The following SLC26A7 variants were observed in gnomAD, a reference collection of about 807,000 sequenced individuals.
SLC26A7 encodes the protein solute carrier family 26 member 7.
Under a neutral mutation model 82.5 loss-of-function variants are expected in SLC26A7, and 59 were observed. That is an observed-to-expected ratio of 0.72 (90% CI 0.58 to 0.89). The LOEUF (loss-of-function observed/expected upper bound fraction) is 0.89. Ranked by LOEUF, SLC26A7 falls within the 40% of genes least tolerant of loss-of-function variation. The pLI is 0.00. For missense variants in SLC26A7, 820 were observed against 793.0 expected, an observed-to-expected ratio of 1.03 and a Z score of -0.41; for synonymous variants, 271 against 274.3, an observed-to-expected ratio of 0.99 and a Z score of 0.12.
intron 2 of SLC26A7, among the ~76,000 whole-genome samples, chr8:91,275,524 A>T (rs1433625083): frequency 6.6e-6 from 1 of 151,814 alleles, no homozygotes; most frequent in African/African-American, 2.4e-5. Context: ...GGTCTTGAAA[A>T]CCTGGGCTCA....
intron 4 of SLC26A7, among the ~76,000 whole-genome samples, chr8:91,302,135 TGTGA>T (rs1812183622): frequency 6.6e-6 from 1 of 152,130 alleles, no homozygotes; most frequent in African/African-American, 2.4e-5. Flanking sequence ...ATCATTTTTT[TGTGA>T]GTGTTTCATG....
At chr8:91,283,016 G>T (rs1313290663) in intron 2 of SLC26A7, among the ~76,000 whole-genome samples, 1 of 151,922 alleles carries the variant, frequency 6.6e-6, no homozygotes, top group Non-Finnish European at 1.5e-5. Flanking sequence ...TTATTGTTTA[G>T]TTATTTTTAG....
intron 2 of SLC26A7, among the ~76,000 whole-genome samples, chr8:91,261,992 G>A (rs573604323): frequency 6.6e-6 from 1 of 152,050 alleles, no homozygotes; most frequent in Non-Finnish European, 1.5e-5. Flanking sequence ...ACCATTGGAC[G>A]TGAACTCCTC....
At chr8:91,258,868 T>A (rs944161375) in intron 2 of SLC26A7, among the ~76,000 whole-genome samples, 4 of 152,108 alleles carry the variant, frequency 2.6e-5, no homozygotes, top group African/African-American at 9.7e-5. Flanking sequence ...CTATTCTCTA[T>A]CTTAAACTCC....
At chr8:91,237,834 A>T (rs1810413288) in intron 2 of SLC26A7, among the ~76,000 whole-genome samples, 1 of 152,158 alleles carries the variant, frequency 6.6e-6, no homozygotes, top group South Asian at 2.1e-4. Flanking sequence ...CTAATTGCTA[A>T]ATTCCAGACT....
At chr8:91,374,639 T>G (rs142481984) in intron 15 of SLC26A7, among the ~76,000 whole-genome samples, 85 of 152,212 alleles carry the variant, frequency 5.6e-4, no homozygotes, top group African/African-American at 2.0e-3. Context: ...AGATTTGCTT[T>G]ATGATCAAGC....
At chr8:91,326,367 G>T (rs1037414146) in intron 5 of SLC26A7, among the ~76,000 whole-genome samples, 4 of 152,070 alleles carry the variant, frequency 2.6e-5, no homozygotes, top group Non-Finnish European at 5.9e-5. Flanking sequence ...TGTGCTGACA[G>T]GACTGGTTTC....
chr8:91,332,062 T>G (rs992335012), intron 5 of SLC26A7, among the ~76,000 whole-genome samples: 2 of 150,734 alleles, frequency 1.3e-5, no homozygotes, highest in African/African-American at 4.9e-5. Context: ...TTAGTTTTTG[T>G]TCAAACATGA....
intron 2 of SLC26A7, among the ~76,000 whole-genome samples, chr8:91,235,060 C>T (rs1377300690): frequency 6.6e-6 from 1 of 152,100 alleles, no homozygotes; most frequent in Non-Finnish European, 1.5e-5. Context: ...GCTGAGATTA[C>T]AGGCATGAGT....
intron 7 of SLC26A7, 85 bp downstream of exon 7, chr8:91,338,317 A>G (rs1415238078): frequency 2.2e-5 from 18 of 808,644 alleles, no homozygotes; most frequent in Non-Finnish European, 2.6e-5. Flanking sequence ...GTGGGTATGG[A>G]TATTTCATTT....
At chr8:91,388,910 A>C (rs1024885989) in intron 15 of SLC26A7, among the ~76,000 whole-genome samples, 1 of 152,124 alleles carries the variant, frequency 6.6e-6, no homozygotes, top group Non-Finnish European at 1.5e-5. Context: ...CAGGCACCAC[A>C]AAACGGGGCT....
At position 91,334,191 on chromosome 8, in the gene SLC26A7, A is replaced by T. The variant is rs1270697321; in HGVS notation, c.643-104A>T. On this transcript the variant is annotated intron_variant, in intron 5 of 18. Transcript: ENST00000276609. The stretch of plus-strand genomic sequence containing the variant: ...ATATCTTTCCTCTCCCTAGCCATTA[A>T]GATAGTTTTATAAAACATCATTGAG... 2.8e-6 allele frequency: 3 copies of T among 1,086,986 alleles called. No individual in the cohort carries two copies. The East Asian group carries it at 7.3e-5, about 27-fold the overall frequency. 67.3% of individuals were successfully genotyped at this position (1,086,986 alleles called of 1,614,324 possible).
intron 2 of SLC26A7, among the ~76,000 whole-genome samples, chr8:91,227,373 G>A (rs1043659751): frequency 6.6e-6 from 1 of 152,060 alleles, no homozygotes; most frequent in African/African-American, 2.4e-5. Context: ...TTCACTGTTT[G>A]TTATAAACTC....
chr8:91,387,855 C>G (rs1814840875), intron 15 of SLC26A7, among the ~76,000 whole-genome samples: 2 of 152,156 alleles, frequency 1.3e-5, no homozygotes, highest in African/African-American at 4.8e-5. Context: ...AAAAAAATTA[C>G]TCCTTAAAAG....
chr8:91,343,418 T>C lies in SLC26A7; in HGVS notation c.1092T>C (p.Ala364=), dbSNP rs1312948552. ...TTTTCTTCTGCATACCAAGTGCTGC[T>C]GCCATGGGAAGGACGGCTGGCCTGT... The part of the protein sequence containing the change: ...SSFFFCIPSA[A]AMGRTAGLYS... The change falls in exon 9 of 19, where the codon GCT becomes GCC. Residue 364 remains alanine (A), a synonymous_variant. Transcript: ENST00000276609. The C allele has an allele frequency of 6.2e-7, 1 of 1,613,114 alleles. No individual in the cohort carries two copies. The highest frequency in any genetic ancestry group is 1.1e-5 in the South Asian group (1 of 91,050).
chr8:91,335,178 T>C (rs143837273), intron 6 of SLC26A7, among the ~76,000 whole-genome samples: 139 of 152,274 alleles, frequency 9.1e-4, no homozygotes, highest in African/African-American at 3.3e-3. Flanking sequence ...ATGTATATGA[T>C]AAATGTTGTC....
chr8:91,314,765 T>A (rs6981751), intron 4 of SLC26A7, among the ~76,000 whole-genome samples: 8,332 of 152,308 alleles, frequency 0.055, 274 homozygotes, highest in African/African-American at 0.069. Context: ...TTTAAAAGTA[T>A]AATAATGTAT....
intron 9 of SLC26A7, among the ~76,000 whole-genome samples, chr8:91,349,010 C>G (rs908366084): frequency 6.6e-6 from 1 of 152,128 alleles, no homozygotes; most frequent in African/African-American, 2.4e-5. Flanking sequence ...TGCATAATCT[C>G]AAAGATTTTT....
At chr8:91,350,754 G>T (rs1382311509) in intron 9 of SLC26A7, among the ~76,000 whole-genome samples, 1 of 151,846 alleles carries the variant, frequency 6.6e-6, no homozygotes, top group Non-Finnish European at 1.5e-5. Flanking sequence ...TTATGATTTT[G>T]GCATTTATGA....
Sources: allele counts gnomAD v4.1 joint callset (sites outside exome capture counted in the v4.1 genomes callset), GRCh38; gene constraint gnomAD v4.1.1; transcripts MANE v1.5; gene names NCBI Gene and HGNC (gene_info 2026-07-23, HGNC 2026-07-21).